ZBTB20: variants seen among roughly 807,000 people sequenced by gnomAD.
The protein encoded by ZBTB20 is zinc finger and BTB domain containing 20.
ZBTB20 carries 9 observed loss-of-function variants against 56.9 expected under a neutral mutation model. The observed-to-expected ratio is 0.16, with a 90% CI of 0.10 to 0.28. The LOEUF (loss-of-function observed/expected upper bound fraction) is 0.28. Among genes scored for constraint, ZBTB20 ranks in the 10% least tolerant of loss-of-function variants. The pLI, the probability that ZBTB20 is intolerant of heterozygous loss-of-function variation, is 1.00. For synonymous variants in ZBTB20, 417 were observed against 420.7 expected, an observed-to-expected ratio of 0.99 and a Z score of 0.11; for missense variants, 655 against 1,003.0, an observed-to-expected ratio of 0.65 and a Z score of 4.69.
intron 5 of ZBTB20, among the ~76,000 whole-genome samples, chr3:114,789,451 T>C (rs892550670): frequency 3.9e-5 from 6 of 152,112 alleles, no homozygotes; most frequent in Non-Finnish European, 8.8e-5. Flanking sequence ...AAGCAGAACA[T>C]CTGGGTGGGT....
intron 6 of ZBTB20, among the ~76,000 whole-genome samples, chr3:114,590,908 C>G (rs1003486485): frequency 6.6e-6 from 1 of 152,178 alleles, no homozygotes. Flanking sequence ...CACAACTTCC[C>G]TTTCAGTGTT....
At chr3:114,899,125 A>G (rs2075006227) in intron 4 of ZBTB20, among the ~76,000 whole-genome samples, 1 of 152,176 alleles carries the variant, frequency 6.6e-6, no homozygotes, top group Non-Finnish European at 1.5e-5. Flanking sequence ...CATTTGTTAA[A>G]TTAAAGAATA....
chr3:115,005,114 A>T (rs997308613), intron 2 of ZBTB20, among the ~76,000 whole-genome samples: 2 of 151,738 alleles, frequency 1.3e-5, no homozygotes, highest in Non-Finnish European at 2.9e-5. Context: ...AAGGAGAGGG[A>T]TTCTTACCCT....
chr3:114,667,440 G>A (rs145473303), intron 6 of ZBTB20, among the ~76,000 whole-genome samples: 4 of 152,078 alleles, frequency 2.6e-5, no homozygotes, highest in Admixed American at 2.6e-4. Flanking sequence ...TAAAAGAAAT[G>A]GGTCCATACT....
At chr3:114,806,696 T>C (rs547845885) in intron 4 of ZBTB20, among the ~76,000 whole-genome samples, 1 of 152,138 alleles carries the variant, frequency 6.6e-6, no homozygotes, top group Admixed American at 6.5e-5. Context: ...GATTTTCTCC[T>C]GTTTTCTTCT....
At chr3:114,361,832 G>C (rs951127695) in intron 10 of ZBTB20, among the ~76,000 whole-genome samples, 1 of 152,144 alleles carries the variant, frequency 6.6e-6, no homozygotes, top group African/African-American at 2.4e-5. Flanking sequence ...ACATAAAAAG[G>C]CACCACTTTG....
intron 2 of ZBTB20, among the ~76,000 whole-genome samples, chr3:115,007,285 A>G (rs959239335): frequency 1.3e-5 from 2 of 151,790 alleles, no homozygotes; most frequent in African/African-American, 4.8e-5. Context: ...ATATTTTATC[A>G]CTTAATTTGC....
intron 10 of ZBTB20, chr3:114,378,846 C>G (rs1006110194): frequency 2.0e-5 from 3 of 152,258 alleles, no homozygotes; most frequent in Non-Finnish European, 2.9e-5. Flanking sequence ...ACTATTAGGA[C>G]GGTCCTCAGA....
intron 10 of ZBTB20, among the ~76,000 whole-genome samples, chr3:114,357,704 C>A (rs984389264): frequency 6.6e-6 from 1 of 152,126 alleles, no homozygotes; most frequent in Non-Finnish European, 1.5e-5. Context: ...ATTCAGGCAT[C>A]CCTCTTTAAA....
chr3:114,974,606 T>C (rs780494553), intron 2 of ZBTB20, among the ~76,000 whole-genome samples, 190 bp from the exon 3 acceptor site: 36 of 152,140 alleles, frequency 2.4e-4, no homozygotes, highest in Non-Finnish European at 4.7e-4. Flanking sequence ...AAATATACAA[T>C]CTAAACCACT....
chr3:115,093,552 T>C (rs2083276569), intron 1 of ZBTB20, among the ~76,000 whole-genome samples: 1 of 152,184 alleles, frequency 6.6e-6, no homozygotes, highest in African/African-American at 2.4e-5. Context: ...TTCATACAAA[T>C]TATTTGACTT....
At position 114,439,751 on chromosome 3, in the gene ZBTB20, G is replaced by A. The variant is rs150476775; in HGVS notation, c.-254-50646C>T. Among the ~76,000 whole-genome samples the A allele has an allele frequency of 1.7e-3, 264 of 152,176 alleles. 2 individuals are homozygous for A. Among genetic ancestry groups the A allele is most frequent in the African/African-American group, 6.0e-3 (248 of 41,522 alleles). On this transcript the variant is annotated intron_variant, in intron 7 of 11. Coordinates refer to ENST00000675478, the MANE Select transcript of ZBTB20 (RefSeq NM_001348800.3). ...TCTGTACAGGTTGAAACTTAATTCC[G>A]TCCTTTCTATACATCTTTGTCCCAT...
chr3:114,992,638 A>G (rs941774049), intron 2 of ZBTB20, among the ~76,000 whole-genome samples: 4 of 151,904 alleles, frequency 2.6e-5, no homozygotes, highest in African/African-American at 4.8e-5. Flanking sequence ...CAAAGCCTGA[A>G]GCCAATGAGA....
chr3:114,701,131 C>A (rs1021591512), intron 5 of ZBTB20, among the ~76,000 whole-genome samples: 1 of 152,118 alleles, frequency 6.6e-6, no homozygotes, highest in Non-Finnish European at 1.5e-5. Context: ...AAAAGGATTT[C>A]CTATTATTTC....
intron 4 of ZBTB20, among the ~76,000 whole-genome samples, chr3:114,881,438 ATAAG>A (rs1479744853): frequency 2.0e-5 from 3 of 152,058 alleles, no homozygotes; most frequent in African/African-American, 4.8e-5. Flanking sequence ...GGTCTTACTG[ATAAG>A]TAAGTGCTTT....
chr3:114,443,968 G>C (rs2091097845), intron 7 of ZBTB20, among the ~76,000 whole-genome samples: 1 of 152,120 alleles, frequency 6.6e-6, no homozygotes, highest in Admixed American at 6.6e-5. Flanking sequence ...AATATGGCAA[G>C]GCTCATTAAA....
intron 6 of ZBTB20, among the ~76,000 whole-genome samples, chr3:114,645,096 C>G (rs936416168): frequency 1.3e-5 from 2 of 151,844 alleles, no homozygotes; most frequent in South Asian, 2.1e-4. Flanking sequence ...TGAACTATTA[C>G]AAAGTTTAAA....
At chr3:114,768,165 G>C (rs1349281839) in intron 5 of ZBTB20, among the ~76,000 whole-genome samples, 1 of 151,716 alleles carries the variant, frequency 6.6e-6, no homozygotes, top group African/African-American at 2.4e-5. Context: ...AACAAACCGA[G>C]CAAAAACACA....
intron 1 of ZBTB20, among the ~76,000 whole-genome samples, chr3:115,112,853 T>C (rs980344250): frequency 7.9e-5 from 12 of 152,216 alleles, no homozygotes; most frequent in African/African-American, 2.7e-4. Flanking sequence ...GTTTTTCATT[T>C]TATGAAAAAT....
Sources: gnomAD v4.1 joint callset for allele counts (sites outside exome capture counted in the v4.1 genomes callset) on GRCh38, gnomAD v4.1.1 for gene constraint, MANE v1.5 for transcripts, NCBI Gene and HGNC (gene_info 2026-07-23, HGNC 2026-07-21) for gene names.